The following ABHD2 variants were observed in gnomAD, a reference collection of about 807,000 sequenced individuals.
The protein encoded by ABHD2 is monoacylglycerol lipase ABHD2.
A neutral mutation model predicts 48.1 loss-of-function variants in ABHD2; 20 were observed. That is an observed-to-expected ratio of 0.42 (90% CI 0.29 to 0.60). The LOEUF (loss-of-function observed/expected upper bound fraction) is 0.60, where lower values mean the gene tolerates loss of function less well. ABHD2 is among the 20% of genes least tolerant of loss of function. ABHD2 has a pLI of 0.24. For synonymous variants in ABHD2, 209 were observed against 214.2 expected (o/e 0.98, Z 0.21); for missense variants, 405 against 550.9 (o/e 0.74, Z 2.65).
In ABHD2 at chr15:89,116,576, G is replaced by T; in HGVS notation, c.194+55G>T. 5 of 1,550,964 alleles carry T rather than the reference G, an allele frequency of 3.2e-6. No individual in the cohort carries two copies. The highest frequency in any genetic ancestry group is 4.4e-6 in the Non-Finnish European group (5 of 1,143,928). On this transcript the variant is annotated intron_variant, in intron 3 of 10. Transcript: ENST00000352732. The surrounding 1 kb of genome is among the most constrained non-coding windows in gnomAD (Gnocchi z 4.6). Reference sequence around the variant, plus strand: ...CAGCTGCTGATGTATTTGGCTTTGTGTGATGTTCAAAGAAGAAACTTCTCT... The same window carrying T: ...CAGCTGCTGATGTATTTGGCTTTGTTTGATGTTCAAAGAAGAAACTTCTCT...
chr15:89,067,871 C>A, the ABHD2 span, among the ~76,000 whole-genome samples: 1 of 152,148 alleles, frequency 6.6e-6, no homozygotes. Context: ...CACTCACAGC[C>A]TGATGCCTGT....
At position 89,185,272 on chromosome 15, in the gene ABHD2, T is replaced by G. The variant is rs1257413994; in HGVS notation, c.723-152T>G. ...GATTTCTCCACAGGTGTTTGAGCTCTGCACATTAGAGCCTCTGTTTTAATG... is the reference window on the plus strand; with the variant it reads ...GATTTCTCCACAGGTGTTTGAGCTCGGCACATTAGAGCCTCTGTTTTAATG... On this transcript the variant is annotated intron_variant, in intron 6 of 10. Transcript: ENST00000352732. This position sits in a 1 kb window ranked among gnomAD's most constrained non-coding sequence, Gnocchi z 5.9. 1.6e-6 allele frequency: 1 copy of G among 614,030 alleles called. No homozygotes were observed. Among genetic ancestry groups the G allele is most frequent in the Non-Finnish European group, 2.9e-6 (1 of 347,490 alleles). 38.0% of individuals were successfully genotyped at this position (614,030 alleles called of 1,614,324 possible).
intron 1 of ABHD2, among the ~76,000 whole-genome samples, chr15:89,112,840 C>G (rs1316190594): frequency 1.3e-5 from 2 of 151,990 alleles, no homozygotes; most frequent in Non-Finnish European, 2.9e-5. Context: ...GCTGGCTTTT[C>G]TACCCACCAG....
chr15:89,115,410 GT>G (rs2049942448), intron 2 of ABHD2, among the ~76,000 whole-genome samples: 1 of 95,514 alleles, frequency 1.0e-5, no homozygotes, highest in Non-Finnish European at 2.5e-5. Flanking sequence ...GTGTGTGTGT[GT>G]GTGTGTGTGT....
At chr15:89,109,167 A>T (rs1295776163) in intron 1 of ABHD2, among the ~76,000 whole-genome samples, 1 of 152,110 alleles carries the variant, frequency 6.6e-6, no homozygotes, top group Non-Finnish European at 1.5e-5. Flanking sequence ...TAGCCAGGGG[A>T]GAGCAGAAAG....
In ABHD2 at chr15:89,201,058, G is replaced by A; in HGVS notation, c.*5635G>A. On this transcript the variant is annotated 3_prime_UTR_variant, in exon 11 of 11. Transcript: ENST00000352732. ...GATCACGCCTCTGCACTCCAGCCTG[G>A]GCAACAAGAGTGAGACTCCGTCTCC... 1 of 763,558 alleles carries A rather than the reference G, an allele frequency of 1.3e-6. No homozygotes were observed. Among genetic ancestry groups the A allele is most frequent in the Non-Finnish European group, 2.3e-6 (1 of 433,724 alleles). 47.3% of individuals were successfully genotyped at this position (763,558 alleles called of 1,614,324 possible).
At chr15:89,156,466 A>T (rs1469352546) in intron 5 of ABHD2, among the ~76,000 whole-genome samples, 2 of 152,088 alleles carry the variant, frequency 1.3e-5, no homozygotes, top group Non-Finnish European at 2.9e-5. Context: ...CTTACTGGAC[A>T]TTTTCAAAAC....
Position 89,195,468 on chromosome 15 carries a change from T to C in ABHD2, c.*45T>C. ...GCTCCAGCAGCCCTCCTCTGGAAGCTGCGTCCCCTCACCCCCTGTTTCAGG... is the reference window on the plus strand; with the variant it reads ...GCTCCAGCAGCCCTCCTCTGGAAGCCGCGTCCCCTCACCCCCTGTTTCAGG... On this transcript the variant is annotated 3_prime_UTR_variant, in exon 11 of 11. Coordinates refer to ENST00000352732, the MANE Select transcript of ABHD2 (RefSeq NM_152924.5). The surrounding 1 kb of genome is among the most constrained non-coding windows in gnomAD (Gnocchi z 5.1). 1 of 1,584,240 alleles carries C rather than the reference T, an allele frequency of 6.3e-7. No individual in the cohort carries two copies. Among genetic ancestry groups the C allele is most frequent in the Non-Finnish European group, 8.6e-7 (1 of 1,165,648 alleles).
In ABHD2 at chr15:89,151,982, C is replaced by T; in HGVS notation, c.370+130C>T. ...GCATCAGGGGCTGTTGGGAAGCCTG[C>T]TGGGATTCGTCACTTAGGAGCAGCC... On this transcript the variant is annotated intron_variant, in intron 4 of 10. Coordinates refer to ENST00000352732, the MANE Select transcript of ABHD2 (RefSeq NM_152924.5). The surrounding 1 kb of genome is among the most constrained non-coding windows in gnomAD (Gnocchi z 4.7). 1 of 1,222,622 alleles carries T rather than the reference C, an allele frequency of 8.2e-7. No homozygotes were observed. Among genetic ancestry groups the T allele is most frequent in the Non-Finnish European group, 1.1e-6 (1 of 887,376 alleles). The allele number at this position is 1,222,622 out of a possible 1,614,324, so 75.7% of individuals were successfully genotyped here.
At chr15:89,192,937 C>T (rs553597068) in intron 9 of ABHD2, among the ~76,000 whole-genome samples, 3 of 152,318 alleles carry the variant, frequency 2.0e-5, no homozygotes, top group East Asian at 1.9e-4. Flanking sequence ...TGAATATGTA[C>T]ATAATTCATT....
chr15:89,057,872 G>A, the ABHD2 span, among the ~76,000 whole-genome samples: 3 of 152,100 alleles, frequency 2.0e-5, no homozygotes, highest in African/African-American at 7.2e-5. Flanking sequence ...GGGACACCGT[G>A]AGTCAAAACT....
At chr15:89,143,158 A>G (rs1020780008) in intron 3 of ABHD2, among the ~76,000 whole-genome samples, 1 of 152,168 alleles carries the variant, frequency 6.6e-6, no homozygotes, top group Admixed American at 6.5e-5. Context: ...TGCGGCTGTT[A>G]GTTCCACCAA....
chr15:89,042,151 G>C, the ABHD2 span, among the ~76,000 whole-genome samples: 1 of 152,114 alleles, frequency 6.6e-6, no homozygotes, highest in Non-Finnish European at 1.5e-5. Flanking sequence ...CCACATCATA[G>C]CTGAGGACTC....
Position 89,114,643 on chromosome 15 carries a change from C to A in ABHD2, c.-7+819C>A, listed in dbSNP as rs922112398. On this transcript the variant is annotated intron_variant, in intron 2 of 10. Transcript: ENST00000352732. The surrounding 1 kb of genome is among the most constrained non-coding windows in gnomAD (Gnocchi z 4.2). ...GATTACAGGCATGTGCCACCACGCC[C>A]GGCAAATTTTTGTATTTTTGGTAGA... Among the ~76,000 whole-genome samples the A allele has an allele frequency of 2.0e-5, 3 of 151,984 alleles. No homozygotes were observed. Among genetic ancestry groups the A allele is most frequent in the African/African-American group, 7.3e-5 (3 of 41,376 alleles).
chr15:89,146,070 C>T lies in ABHD2; in HGVS notation c.195-5607C>T, dbSNP rs965881976. ...TGCAACTTGCTGAGATGTGAGGACT[C>T]AATCTCAGGCAACATATCCTAAACA... On this transcript the variant is annotated intron_variant, in intron 3 of 10. Transcript: ENST00000352732. The surrounding 1 kb of genome is among the most constrained non-coding windows in gnomAD (Gnocchi z 4.2). 2.4e-4 allele frequency among the ~76,000 whole-genome samples: 36 copies of T among 152,082 alleles called. No individual in the cohort carries two copies. The highest frequency in any genetic ancestry group is 8.7e-4 in the African/African-American group (36 of 41,406).
rs2050613416 is a variant in ABHD2 at position 89,152,719 on chromosome 15, G to T, written c.370+867G>T. Among the ~76,000 whole-genome samples the T allele has an allele frequency of 2.0e-5, 3 of 152,146 alleles. No homozygotes were observed. The South Asian group carries it at 6.2e-4, about 32-fold the overall frequency. ...GACACATTGAGGTCATATCTATCAT[G>T]CAGTGGTCTAGGACACCTATTTCTG... On this transcript the variant is annotated intron_variant, in intron 4 of 10. Coordinates refer to ENST00000352732, the MANE Select transcript of ABHD2 (RefSeq NM_152924.5).
At chr15:89,161,822 A>G (rs1274137055) in intron 5 of ABHD2, among the ~76,000 whole-genome samples, 1 of 152,210 alleles carries the variant, frequency 6.6e-6, no homozygotes, top group African/African-American at 2.4e-5. Context: ...TAGGACTGCA[A>G]TATCCAAATA....
intron 3 of ABHD2, among the ~76,000 whole-genome samples, chr15:89,147,350 C>CTTTTT (rs35188439): frequency 0.039 from 3,860 of 100,164 alleles, 304 homozygotes; most frequent in African/African-American, 0.16. Flanking sequence ...TTGCATAGCT[C>CTTTTT]TTTTTTTTTT....
chr15:89,109,797 A>G (rs182313830), intron 1 of ABHD2, among the ~76,000 whole-genome samples: 1 of 152,330 alleles, frequency 6.6e-6, no homozygotes, highest in Admixed American at 6.5e-5. Context: ...ATATGCACGT[A>G]CATGCACACA....
Sources: gnomAD v4.1 joint callset for allele counts (sites outside exome capture counted in the v4.1 genomes callset) on GRCh38, gnomAD v4.1.1 for gene constraint, Gnocchi (gnomAD v3.1) non-coding constraint, MANE v1.5 for transcripts, NCBI Gene and HGNC (gene_info 2026-07-23, HGNC 2026-07-21) for gene names.